SASH1: variants seen among roughly 807,000 people sequenced by gnomAD.
SASH1 encodes the protein SAM and SH3 domain-containing protein 1.
A neutral mutation model predicts 125.2 loss-of-function variants in SASH1; 44 were observed. The observed-to-expected ratio is 0.35, with a 90% CI of 0.28 to 0.45. The LOEUF (loss-of-function observed/expected upper bound fraction) is 0.45, where lower values mean the gene tolerates loss of function less well. Among genes scored for constraint, SASH1 ranks in the 20% least tolerant of loss-of-function variants. The pLI, the probability that SASH1 is intolerant of heterozygous loss-of-function variation, is 1.00. For missense variants in SASH1, 1,426 were observed against 1,614.5 expected (o/e 0.88, Z 2.00); for synonymous variants, 639 against 649.1 (o/e 0.98, Z 0.24).
chr6:148,524,687 G>C (rs1781029705), intron 10 of SASH1: 1 of 152,270 alleles, frequency 6.6e-6, no homozygotes, highest in African/African-American at 2.4e-5. Context: ...CGATGGGAAA[G>C]TTACCAGCGT....
At chr6:148,324,118 CAA>C (rs56950339) in intron 1 of SASH1, among the ~76,000 whole-genome samples, 3 of 59,424 alleles carry the variant, frequency 5.0e-5, no homozygotes, top group Admixed American at 3.2e-4. Flanking sequence ...GAATCTGTCT[CAA>C]AAAAAAAAAA....
intron 1 of SASH1, among the ~76,000 whole-genome samples, chr6:148,286,373 C>A (rs913085619): frequency 6.6e-6 from 1 of 151,582 alleles, no homozygotes; most frequent in African/African-American, 2.4e-5. Context: ...CGCACTCCGG[C>A]CTGGGTGACA....
intron 8 of SASH1, among the ~76,000 whole-genome samples, chr6:148,492,305 G>C (rs1779140169): frequency 2.6e-5 from 4 of 152,220 alleles, no homozygotes; most frequent in Admixed American, 1.3e-4. Context: ...CAGAGGGCTG[G>C]TCAGAACCAT....
chr6:148,402,618 ATT>A (rs60247173), intron 2 of SASH1, among the ~76,000 whole-genome samples: 1 of 138,212 alleles, frequency 7.2e-6, no homozygotes, highest in Admixed American at 7.3e-5. Flanking sequence ...CAAAAATGAC[ATT>A]TTTTTTTTTT....
At chr6:148,413,171 T>TG (rs1784692268) in intron 2 of SASH1, among the ~76,000 whole-genome samples, 1 of 152,194 alleles carries the variant, frequency 6.6e-6, no homozygotes, top group East Asian at 1.9e-4. Flanking sequence ...ATCCATAATG[T>TG]GGAAGCTTTA....
intron 1 of SASH1, among the ~76,000 whole-genome samples, chr6:148,349,252 CTTTTTTTTTTTTT>C (rs11317386): frequency 5.7e-4 from 27 of 47,042 alleles, no homozygotes; most frequent in African/African-American, 1.8e-3. Flanking sequence ...TTCTTTCTTT[CTTTTTTTTTTTTT>C]TTTTTTTTTT....
At chr6:148,430,162 T>C (rs1480061413) in intron 2 of SASH1, among the ~76,000 whole-genome samples, 1 of 152,162 alleles carries the variant, frequency 6.6e-6, no homozygotes, top group Non-Finnish European at 1.5e-5. Context: ...AGAAGCACTC[T>C]AGGTAGCATA....
At chr6:148,328,931 T>C (rs1416635583) in intron 1 of SASH1, among the ~76,000 whole-genome samples, 1 of 152,136 alleles carries the variant, frequency 6.6e-6, no homozygotes, top group Non-Finnish European at 1.5e-5. Context: ...CACATGAGGA[T>C]CTGTATTTTT....
chr6:148,382,095 G>C (rs1783163928), intron 1 of SASH1, among the ~76,000 whole-genome samples: 1 of 151,960 alleles, frequency 6.6e-6, no homozygotes, highest in Non-Finnish European at 1.5e-5. Context: ...CCTTGTGTGA[G>C]ATTTGGGAGC....
chr6:148,421,182 AAAGAAAGAAAGAAAG>A (rs1562396629), intron 2 of SASH1, among the ~76,000 whole-genome samples: 1 of 146,924 alleles, frequency 6.8e-6, no homozygotes, highest in Non-Finnish European at 1.5e-5. Context: ...AGAAAGAAAG[AAAGAAAGAAAGAAAG>A]AAAGAAAGAA....
At chr6:148,251,158 G>C in the SASH1 span, among the ~76,000 whole-genome samples, 12 of 152,254 alleles carry the variant, frequency 7.9e-5, no homozygotes, top group African/African-American at 2.9e-4. Flanking sequence ...TATGTGGCTA[G>C]CCCATTATGT....
the SASH1 span, among the ~76,000 whole-genome samples, chr6:148,202,457 C>G: frequency 2.2e-4 from 33 of 152,238 alleles, no homozygotes; most frequent in African/African-American, 7.5e-4. Flanking sequence ...CTCCCTGAGC[C>G]CTGGTGGGCT....
At chr6:148,326,037 T>TC (rs1429267303) in intron 1 of SASH1, among the ~76,000 whole-genome samples, 1 of 150,352 alleles carries the variant, frequency 6.7e-6, no homozygotes, top group Non-Finnish European at 1.5e-5. Context: ...TCTTGAACTT[T>TC]TTTTTTTTTT....
Position 148,452,124 on chromosome 6 carries a change from A to T in SASH1, c.386+11717A>T, listed in dbSNP as rs563857981. Among the ~76,000 whole-genome samples the T allele has an allele frequency of 1.4e-4, 21 of 152,308 alleles. No individual in the cohort carries two copies. The South Asian group carries it at 3.7e-3, about 27-fold the overall frequency. On this transcript the variant is annotated intron_variant, in intron 4 of 19. Coordinates refer to ENST00000367467, the MANE Select transcript of SASH1 (RefSeq NM_015278.5). ...ATAACCAAAGGCAACTGGAGCCATC[A>T]TTATTTGTTTTTTCAGGCACACTAG... is the stretch of plus-strand genomic sequence containing the variant.
chr6:148,439,523 AATCCCAGC>A (rs1428417493), intron 2 of SASH1, among the ~76,000 whole-genome samples: 3 of 152,198 alleles, frequency 2.0e-5, no homozygotes, highest in African/African-American at 7.2e-5. Context: ...TCATGCCTGT[AATCCCAGC>A]ACTTTGGGAA....
intron 1 of SASH1, among the ~76,000 whole-genome samples, chr6:148,358,986 T>G (rs1005410403): frequency 6.6e-6 from 1 of 151,988 alleles, no homozygotes; most frequent in African/African-American, 2.4e-5. Flanking sequence ...CCGCCTGCCT[T>G]GGCCTCCCAA....
At chr6:148,449,085 T>TTTTTTTTTTTC (rs1332270572) in intron 4 of SASH1, among the ~76,000 whole-genome samples, 1 of 141,446 alleles carries the variant, frequency 7.1e-6, no homozygotes, top group African/African-American at 2.6e-5. Flanking sequence ...TTTCTTTTTT[T>TTTTTTTTTTTC]TTTTTTTTGG....
chr6:148,471,844 C>G (rs1191366601), intron 6 of SASH1, among the ~76,000 whole-genome samples: 1 of 152,148 alleles, frequency 6.6e-6, no homozygotes, highest in African/African-American at 2.4e-5. Flanking sequence ...CTAGAGAGCC[C>G]TAGCATGTGT....
chr6:148,353,164 G>T (rs1781799407), intron 1 of SASH1, among the ~76,000 whole-genome samples: 1 of 151,894 alleles, frequency 6.6e-6, no homozygotes, highest in South Asian at 2.1e-4. Flanking sequence ...GCCTCCCTGT[G>T]CTCAAGGGAT....
Sources: gnomAD v4.1 joint callset for allele counts (sites outside exome capture counted in the v4.1 genomes callset) on GRCh38, gnomAD v4.1.1 for gene constraint, MANE v1.5 for transcripts, NCBI Gene and HGNC (gene_info 2026-07-23, HGNC 2026-07-21) for gene names.